Variants in PVT1 observed in about 807,000 individuals in gnomAD.
The protein encoded by PVT1 is Pvt1 oncogene.
At chr8:128,098,185 G>C (rs1053681564) in intron 6 of PVT1, among the ~76,000 whole-genome samples, 1 of 152,082 alleles carries the variant, frequency 6.6e-6, no homozygotes, top group Non-Finnish European at 1.5e-5. Flanking sequence ...AACAGGGCTG[G>C]GCTCAGGGGT....
intron 6 of PVT1, among the ~76,000 whole-genome samples, chr8:128,098,415 C>G (rs144202001): frequency 2.0e-5 from 3 of 151,986 alleles, no homozygotes; most frequent in Non-Finnish European, 4.4e-5. Flanking sequence ...CCAAGGGGAA[C>G]GGAGAGCTTT....
chr8:127,984,252 T>C (rs77145994), intron 3 of PVT1: 3 of 152,168 alleles, frequency 2.0e-5, no homozygotes, highest in Admixed American at 6.5e-5. Flanking sequence ...GAGACTGTTA[T>C]TTTTGAAAGC....
At chr8:127,918,826 C>A (rs1816022395) in intron 3 of PVT1, among the ~76,000 whole-genome samples, 1 of 152,202 alleles carries the variant, frequency 6.6e-6, no homozygotes, top group Non-Finnish European at 1.5e-5. Context: ...TCTAACCACC[C>A]AAGAGATAAG....
chr8:127,962,321 G>C (rs990339755), intron 3 of PVT1, among the ~76,000 whole-genome samples: 2 of 152,210 alleles, frequency 1.3e-5, no homozygotes, highest in African/African-American at 4.8e-5. Flanking sequence ...CACACATTTA[G>C]GGGGTTGTTG....
At chr8:127,813,217 A>ATATATAATATATACAAATG (rs1814620570) in intron 2 of PVT1, among the ~76,000 whole-genome samples, 1 of 147,062 alleles carries the variant, frequency 6.8e-6, no homozygotes, top group South Asian at 2.1e-4. Context: ...ACAAATATAT[A>ATATATAATATATACAAATG]TATATAATAT....
intron 5 of PVT1, among the ~76,000 whole-genome samples, chr8:128,083,142 C>T (rs1345423141): frequency 1.3e-5 from 2 of 152,166 alleles, no homozygotes; most frequent in Non-Finnish European, 2.9e-5. Flanking sequence ...CTGTGACTCG[C>T]TTTTCTCATG....
intron 3 of PVT1, among the ~76,000 whole-genome samples, chr8:127,961,997 C>T (rs1031081326): frequency 1.6e-4 from 24 of 152,024 alleles, no homozygotes; most frequent in South Asian, 4.1e-4. Context: ...TTTTTTGAGA[C>T]GGAGTCTCGC....
chr8:127,960,843 G>A, intron 3 of PVT1: 1 of 241,466 alleles, frequency 4.1e-6, no homozygotes. Context: ...CATACTGCAG[G>A]CCAGGCATGG....
intron 2 of PVT1, among the ~76,000 whole-genome samples, chr8:127,889,294 T>C (rs1815569144): frequency 6.6e-6 from 1 of 152,010 alleles, no homozygotes; most frequent in South Asian, 2.1e-4. Context: ...CACACCCAGC[T>C]AATTTTTGTA....
chr8:127,800,170 G>T (rs1366291312), intron 2 of PVT1, among the ~76,000 whole-genome samples: 3 of 152,174 alleles, frequency 2.0e-5, no homozygotes, highest in African/African-American at 7.2e-5. Context: ...TTTGAGTAAA[G>T]CAATTATTAT....
chr8:127,900,749 A>G (rs946846824), intron 3 of PVT1, among the ~76,000 whole-genome samples: 1 of 152,184 alleles, frequency 6.6e-6, no homozygotes, highest in African/African-American at 2.4e-5. Flanking sequence ...CCAGGAGTAC[A>G]GGGCACAGAG....
At chr8:127,891,264 C>G (rs1253504669) in intron 3 of PVT1, among the ~76,000 whole-genome samples, 2 of 152,192 alleles carry the variant, frequency 1.3e-5, no homozygotes. Context: ...GCTGTTGGTT[C>G]TGTGTCCTTA....
In PVT1 at chr8:127,842,720, CA is replaced by C. The variant is rs546753566; in HGVS notation, n.372+46651del. 2.6e-3 allele frequency among the ~76,000 whole-genome samples: 391 copies of C among 152,206 alleles called. 1 individual carries two copies. Among genetic ancestry groups the C allele is most frequent in the African/African-American group, 9.1e-3 (377 of 41,518 alleles). On this transcript the variant is annotated intron_variant and non_coding_transcript_variant, in intron 2 of 10. Transcript: ENST00000651587. Reference sequence around the variant, plus strand: ...CAATAATGAAGTGATCACTGTGCACCAACCCTCCCTCTTGCTTCAGAAGAGA... The same window carrying C: ...CAATAATGAAGTGATCACTGTGCACCACCCTCCCTCTTGCTTCAGAAGAGA...
chr8:128,078,012 C>T (rs1814113645), intron 5 of PVT1, among the ~76,000 whole-genome samples: 1 of 152,142 alleles, frequency 6.6e-6, no homozygotes, highest in African/African-American at 2.4e-5. Context: ...TGGTTCCTGC[C>T]CTTCAGGAGC....
intron 5 of PVT1, among the ~76,000 whole-genome samples, chr8:128,075,609 A>T (rs1814077357): frequency 1.3e-5 from 2 of 152,208 alleles, no homozygotes; most frequent in South Asian, 4.1e-4. Context: ...CTTTTAGAGC[A>T]CATTCCTGCA....
intron 3 of PVT1, chr8:127,983,988 C>T (rs556454059): frequency 6.6e-6 from 1 of 151,708 alleles, no homozygotes; most frequent in Non-Finnish European, 1.5e-5. Flanking sequence ...AAGTGATCCT[C>T]CTGCCTCAGC....
At chr8:127,866,309 G>T (rs1385195263) in intron 2 of PVT1, among the ~76,000 whole-genome samples, 1 of 151,956 alleles carries the variant, frequency 6.6e-6, no homozygotes, top group East Asian at 1.9e-4. Flanking sequence ...TGTGTAGGGA[G>T]CATGGCTGCC....
intron 3 of PVT1, among the ~76,000 whole-genome samples, chr8:127,959,967 G>T (rs576705556): frequency 1.3e-5 from 2 of 152,312 alleles, no homozygotes; most frequent in East Asian, 3.8e-4. Flanking sequence ...ATGTATGTCT[G>T]CACTTACTTC....
chr8:127,974,207 G>A (rs887377546), intron 3 of PVT1, among the ~76,000 whole-genome samples: 5 of 152,122 alleles, frequency 3.3e-5, no homozygotes, highest in African/African-American at 4.8e-5. Flanking sequence ...GAGAGCTGAC[G>A]TTGCTAATAT....
Sources: allele counts gnomAD v4.1 joint callset (sites outside exome capture counted in the v4.1 genomes callset), GRCh38; gene constraint gnomAD v4.1.1; transcripts MANE v1.5; gene names NCBI Gene and HGNC (gene_info 2026-07-23, HGNC 2026-07-21).